EPS8: variants seen among roughly 807,000 people sequenced by gnomAD.
The protein encoded by EPS8 is EGFR pathway substrate 8, signaling adaptor, also known as epidermal growth factor receptor kinase substrate 8.
In EPS8, 42 loss-of-function variants were observed where a neutral mutation model predicts 103.8. The observed-to-expected ratio is 0.40, with a 90% CI of 0.32 to 0.52. The LOEUF is 0.52. Ranked by LOEUF, EPS8 falls within the 20% of genes least tolerant of loss-of-function variation. The probability of loss-of-function intolerance (pLI) is 0.40; values close to 1 mark genes in which losing one functional copy is unlikely to be tolerated. For missense variants in EPS8, 969 were observed against 1,005.1 expected (o/e 0.96, Z 0.49); for synonymous variants, 344 against 344.6 (o/e 1.00, Z 0.02).
Position 15,650,907 on chromosome 12 carries a change from T to C in EPS8, c.1350A>G (p.Glu450=). ...PMLNFMGATM[E]QDLYQLAESV... is the part of the protein sequence containing the mutation. ...ATTCTGCCAGTTGATAAAGATCTTG[T>C]TCCATTGTGGCTCCCATAAAGTTCA... is the stretch of plus-strand genomic sequence containing the variant. The change falls in exon 14 of 21, where the codon GAA becomes GAG. Residue 450 remains glutamate (E), a synonymous_variant. Transcript: ENST00000281172. 6.2e-7 allele frequency: 1 copy of C among 1,614,106 alleles called. No homozygotes were observed. Among genetic ancestry groups the C allele is most frequent in the Non-Finnish European group, 8.5e-7 (1 of 1,179,952 alleles).
rs371792036 is a variant in EPS8, at chr12:15,719,874, G to T, written c.-21-36902C>A. 6.6e-4 allele frequency among the ~76,000 whole-genome samples: 100 copies of T among 152,192 alleles called. No individual in the cohort carries two copies. In the South Asian group the frequency reaches 8.1e-3, roughly 12 times the overall value. ...AATCCCCTTCTATTTTTGACATGGG[G>T]CTATGAAAAACAGATTAAACCAACT... On this transcript the variant is annotated intron_variant, in intron 1 of 20. Transcript: ENST00000281172.
chr12:15,629,448 G>A (rs575604355), intron 18 of EPS8, among the ~76,000 whole-genome samples: 2 of 152,330 alleles, frequency 1.3e-5, no homozygotes, highest in South Asian at 4.1e-4. Flanking sequence ...TCATTTCTAA[G>A]AGGAAGTTTT....
At chr12:15,741,686 T>C (rs930486644) in intron 1 of EPS8, among the ~76,000 whole-genome samples, 1 of 152,210 alleles carries the variant, frequency 6.6e-6, no homozygotes, top group African/African-American at 2.4e-5. Context: ...ATCAAACTGT[T>C]GCCTTTGCAA....
chr12:15,701,233 G>A lies in EPS8; in HGVS notation c.-21-18261C>T, dbSNP rs917168479. Among the ~76,000 whole-genome samples the A allele has an allele frequency of 2.0e-5, 3 of 152,178 alleles. No homozygotes were observed. Among genetic ancestry groups the A allele is most frequent in the Non-Finnish European group, 2.9e-5 (2 of 68,038 alleles). ...ATCCATATATGTGTCAAACGTTGTT[G>A]TAAGTTCTTTGCATGCATTAATTCA... On this transcript the variant is annotated intron_variant, in intron 1 of 20. Transcript: ENST00000281172. The surrounding 1 kb of genome is among the most constrained non-coding windows in gnomAD (Gnocchi z 5.1).
At chr12:15,737,390 A>G (rs1298244187) in intron 1 of EPS8, among the ~76,000 whole-genome samples, 1 of 152,166 alleles carries the variant, frequency 6.6e-6, no homozygotes, top group Non-Finnish European at 1.5e-5. Flanking sequence ...AGACTCTGTA[A>G]CATAGATTAA....
intron 6 of EPS8, among the ~76,000 whole-genome samples, chr12:15,668,232 T>A (rs1312096684): frequency 2.0e-5 from 3 of 152,090 alleles, no homozygotes; most frequent in Non-Finnish European, 4.4e-5. Flanking sequence ...TAGAAGAAGG[T>A]TTTTAGAAAG....
In EPS8 at chr12:15,722,334, A is replaced by G. The variant is rs113551240; in HGVS notation, c.-21-39362T>C. ...CTATTTTAAACAATTACCCCCCCCAAAAATTATGTAACTAATCTTTCCTTG... is the reference window on the plus strand; with the variant it reads ...CTATTTTAAACAATTACCCCCCCCAGAAATTATGTAACTAATCTTTCCTTG... On this transcript the variant is annotated intron_variant, in intron 1 of 20. Transcript: ENST00000281172. 1.7e-3 allele frequency among the ~76,000 whole-genome samples: 260 copies of G among 152,228 alleles called. 3 individuals carry two copies. The highest frequency in any genetic ancestry group is 6.0e-3 in the African/African-American group (248 of 41,532).
intron 1 of EPS8, among the ~76,000 whole-genome samples, chr12:15,708,317 C>CAT: frequency 1.3e-5 from 2 of 152,304 alleles, no homozygotes; most frequent in South Asian, 4.1e-4. Context: ...AATTCCATAA[C>CAT]ATAATCCATG....
At chr12:15,626,916 CA>C (rs1394163197) in intron 18 of EPS8, among the ~76,000 whole-genome samples, 1 of 152,136 alleles carries the variant, frequency 6.6e-6, no homozygotes, top group Non-Finnish European at 1.5e-5. Flanking sequence ...TATAAAACTG[CA>C]ATCCCTCCCC....
Position 15,760,260 on chromosome 12 carries a change from T to A in EPS8, c.-22+28901A>T, listed in dbSNP as rs956492313. On this transcript the variant is annotated intron_variant, in intron 1 of 20. Transcript: ENST00000281172. The surrounding 1 kb of genome is among the most constrained non-coding windows in gnomAD (Gnocchi z 4.5). ...CTACTAAGATTGAACTATGAAGAAA[T>A]CCAAAACCTGAACAGACCAAAAATA... Among the ~76,000 whole-genome samples the A allele has an allele frequency of 1.3e-5, 2 of 151,574 alleles. No homozygotes were observed. Among genetic ancestry groups the A allele is most frequent in the Non-Finnish European group, 2.9e-5 (2 of 67,832 alleles).
chr12:15,710,735 A>C (rs1303959074), intron 1 of EPS8, among the ~76,000 whole-genome samples: 1 of 152,240 alleles, frequency 6.6e-6, no homozygotes, highest in African/African-American at 2.4e-5. Flanking sequence ...CTCTAAAAAA[A>C]AGGAAATTTT....
intron 1 of EPS8, among the ~76,000 whole-genome samples, chr12:15,740,122 G>GA (rs1033778211): frequency 7.3e-5 from 11 of 150,456 alleles, no homozygotes; most frequent in South Asian, 2.1e-4. Context: ...CAAAACACTA[G>GA]AAAAAAAAAT....
rs1257087029 is a variant in EPS8, at chr12:15,725,794, T to C, written c.-21-42822A>G. 6.6e-6 allele frequency among the ~76,000 whole-genome samples: 1 copy of C among 152,218 alleles called. No individual in the cohort carries two copies. Among genetic ancestry groups the C allele is most frequent in the African/African-American group, 2.4e-5 (1 of 41,452 alleles). ...CTCTGTCAACATACAAGTTTTATTA[T>C]ATATTTATCAGATGTGTGTCTTAAG... On this transcript the variant is annotated intron_variant, in intron 1 of 20. Transcript: ENST00000281172. This position sits in a 1 kb window ranked among gnomAD's most constrained non-coding sequence, Gnocchi z 4.5.
chr12:15,737,050 T>C (rs1289749228), intron 1 of EPS8, among the ~76,000 whole-genome samples: 1 of 152,186 alleles, frequency 6.6e-6, no homozygotes, highest in Non-Finnish European at 1.5e-5. Flanking sequence ...ATAAATGAGA[T>C]GTTAGTATAG....
chr12:15,708,420 C>T (rs1946417231), intron 1 of EPS8, among the ~76,000 whole-genome samples: 4 of 152,164 alleles, frequency 2.6e-5, no homozygotes, highest in Non-Finnish European at 2.9e-5. Flanking sequence ...CTATTCCAGG[C>T]AGCCACAAGC....
At chr12:15,655,022 A>C (rs1254832068) in intron 12 of EPS8, among the ~76,000 whole-genome samples, 1 of 152,160 alleles carries the variant, frequency 6.6e-6, no homozygotes, top group Non-Finnish European at 1.5e-5. Context: ...CCTAGAGCAG[A>C]AACCAGAGTC....
chr12:15,729,264 AT>A (rs1418408232), intron 1 of EPS8, among the ~76,000 whole-genome samples: 1 of 152,116 alleles, frequency 6.6e-6, no homozygotes, highest in Non-Finnish European at 1.5e-5. Context: ...TCTCTCATTA[AT>A]TTTGAGCTTC....
intron 17 of EPS8, 124 bp downstream of exon 17, chr12:15,640,579 T>C (rs1424222406): frequency 5.2e-6 from 4 of 767,320 alleles, no homozygotes; most frequent in Non-Finnish European, 7.9e-6. Context: ...CCAATTACTC[T>C]AGAAAAAATA....
chr12:15,673,653 A>G (rs1187198968), intron 3 of EPS8, among the ~76,000 whole-genome samples: 1 of 152,170 alleles, frequency 6.6e-6, no homozygotes, highest in Non-Finnish European at 1.5e-5. Flanking sequence ...TGTGCAACTC[A>G]TCTACTATAT....
Sources: gnomAD v4.1 joint callset for allele counts (sites outside exome capture counted in the v4.1 genomes callset) on GRCh38, gnomAD v4.1.1 for gene constraint, Gnocchi (gnomAD v3.1) non-coding constraint, MANE v1.5 for transcripts, NCBI Gene and HGNC (gene_info 2026-07-23, HGNC 2026-07-21) for gene names.